Variants in LMNTD1 observed in about 807,000 individuals in gnomAD.
LMNTD1 encodes lamin tail domain containing 1.
In LMNTD1, 35 loss-of-function variants were observed where a neutral mutation model predicts 50.9. The ratio of observed to expected loss-of-function variants is 0.69; its 90% CI spans 0.53 to 0.91. LMNTD1 has a LOEUF of 0.91. Among genes scored for constraint, LMNTD1 ranks in the 40% least tolerant of loss-of-function variants. LMNTD1 has a pLI of 0.00. For synonymous variants in LMNTD1, 153 were observed against 161.9 expected, an observed-to-expected ratio of 0.94 and a Z score of 0.42; for missense variants, 470 against 475.5, an observed-to-expected ratio of 0.99 and a Z score of 0.11.
At chr12:25,625,334 C>T (rs1946565053) in intron 1 of LMNTD1, among the ~76,000 whole-genome samples, 1 of 152,160 alleles carries the variant, frequency 6.6e-6, no homozygotes, top group Admixed American at 6.5e-5. Flanking sequence ...TACCACAACT[C>T]ATTAGTACCA....
chr12:25,617,484 G>C (rs1263219217), intron 1 of LMNTD1, among the ~76,000 whole-genome samples: 1 of 152,134 alleles, frequency 6.6e-6, no homozygotes, highest in Non-Finnish European at 1.5e-5. Context: ...CAGCTTATCC[G>C]TGGTAATAGA....
intron 8 of LMNTD1, among the ~76,000 whole-genome samples, chr12:25,509,352 C>T (rs1413587469): frequency 6.6e-6 from 1 of 152,338 alleles, no homozygotes; most frequent in East Asian, 1.9e-4. Context: ...AGGTGATCTG[C>T]CTGCCTCGGC....
intron 1 of LMNTD1, among the ~76,000 whole-genome samples, chr12:25,637,822 T>C (rs1303489960): frequency 6.6e-6 from 1 of 151,916 alleles, no homozygotes; most frequent in Non-Finnish European, 1.5e-5. Context: ...AACAAGCACA[T>C]GAAAATATCA....
intron 9 of LMNTD1, 32 bp downstream of exon 9, chr12:25,503,706 G>T: frequency 8.4e-7 from 1 of 1,184,198 alleles, no homozygotes; most frequent in Non-Finnish European, 1.2e-6. Context: ...ATTTTTCTGT[G>T]GAGAAAGCAA....
intron 1 of LMNTD1, among the ~76,000 whole-genome samples, chr12:25,620,696 CTG>C (rs1348592785): frequency 8.5e-5 from 13 of 152,098 alleles, no homozygotes; most frequent in Non-Finnish European, 1.9e-4. Context: ...AAGTGCTAAA[CTG>C]AGCACCGCAA....
chr12:25,566,260 C>T (rs984906776), intron 1 of LMNTD1, among the ~76,000 whole-genome samples: 1 of 152,072 alleles, frequency 6.6e-6, no homozygotes, highest in Non-Finnish European at 1.5e-5. Context: ...TTTCTAGTTC[C>T]TATAAGTGTG....
intron 1 of LMNTD1, among the ~76,000 whole-genome samples, chr12:25,591,858 A>AGAGAGAGAGAGAGAGT (rs1945710122): frequency 1.4e-5 from 2 of 146,020 alleles, no homozygotes; most frequent in Non-Finnish European, 3.0e-5. Flanking sequence ...AGAGAGAGAG[A>AGAGAGAGAGAGAGAGT]CTCTATTTAT....
chr12:25,578,111 G>A (rs1945112340), intron 1 of LMNTD1, among the ~76,000 whole-genome samples: 1 of 152,096 alleles, frequency 6.6e-6, no homozygotes, highest in Non-Finnish European at 1.5e-5. Context: ...ATTCATCTAA[G>A]AAGACATTCT....
At chr12:25,564,961 C>T (rs979820362) in intron 1 of LMNTD1, among the ~76,000 whole-genome samples, 1 of 152,182 alleles carries the variant, frequency 6.6e-6, no homozygotes, top group African/African-American at 2.4e-5. Flanking sequence ...TGAATTGACC[C>T]CTTTATCATT....
chr12:25,520,139 G>GATATAGATATATATATATATAT (rs1394594290), intron 6 of LMNTD1, 64 bp from the exon 7 acceptor site: 1 of 149,920 alleles, frequency 6.7e-6, no homozygotes, highest in East Asian at 1.8e-4. Context: ...GCTGTTATGA[G>GATATAGATATATATATATATAT]ATATACATAT....
At chr12:25,553,296 T>C (rs1423134891), upstream of LMNTD1, 4 of 1,400,962 alleles carry the variant, frequency 2.9e-6, no homozygotes, top group Non-Finnish European at 3.7e-6. Context: ...TTGTTGCTTC[T>C]GGCCAACACT....
At chr12:25,605,228 T>C (rs1946070203) in intron 1 of LMNTD1, among the ~76,000 whole-genome samples, 1 of 152,224 alleles carries the variant, frequency 6.6e-6, no homozygotes, top group Non-Finnish European at 1.5e-5. Context: ...GAGTTCATTG[T>C]AGATTCTGGA....
intron 8 of LMNTD1, among the ~76,000 whole-genome samples, chr12:25,512,864 T>TG (rs200683693): frequency 0.097 from 13,747 of 141,818 alleles, 707 homozygotes; most frequent in African/African-American, 0.13. Context: ...TTTTTTTTTA[T>TG]GGGGGGGGGC....
intron 3 of LMNTD1, among the ~76,000 whole-genome samples, chr12:25,548,801 T>C (rs564196478): frequency 1.2e-4 from 18 of 152,148 alleles, no homozygotes; most frequent in African/African-American, 4.3e-4. Context: ...TTTCTGATCA[T>C]AGTACTGTTT....
Position 25,553,169 on chromosome 12 carries a change from A to G in LMNTD1, c.-131T>C. 6.2e-7 allele frequency: 1 copy of G among 1,605,098 alleles called. No homozygotes were observed. Among genetic ancestry groups the G allele is most frequent in the Admixed American group, 1.7e-5 (1 of 59,402 alleles). On this transcript the variant is annotated 5_prime_UTR_variant, in exon 1 of 10. It removes an upstream start codon present in the reference 5' UTR. Coordinates refer to ENST00000458174, the MANE Select transcript of LMNTD1 (RefSeq NM_001145728.2). ...CTCATGAGGATATGTAAGTACCAAC[A>G]TAGCCAATCCTGATCTTGGCTAAGG...
At chr12:25,487,408 T>C (rs1464403600) in intron 9 of LMNTD1, among the ~76,000 whole-genome samples, 15 of 134,248 alleles carry the variant, frequency 1.1e-4, no homozygotes. Flanking sequence ...TTGTCTCTTT[T>C]GATCTTTGTT....
intron 1 of LMNTD1, among the ~76,000 whole-genome samples, chr12:25,625,405 G>A (rs948393784): frequency 9.9e-5 from 15 of 152,112 alleles, no homozygotes; most frequent in African/African-American, 3.6e-4. Context: ...TGAAAGCCAG[G>A]AAATGGGTAT....
At chr12:25,511,220 C>T (rs914803037) in intron 8 of LMNTD1, among the ~76,000 whole-genome samples, 7 of 151,992 alleles carry the variant, frequency 4.6e-5, no homozygotes, top group African/African-American at 1.7e-4. Flanking sequence ...GATACTTAAA[C>T]AATTTTATGG....
intron 1 of LMNTD1, among the ~76,000 whole-genome samples, chr12:25,583,273 C>T (rs750722152): frequency 6.6e-6 from 1 of 151,556 alleles, no homozygotes; most frequent in Non-Finnish European, 1.5e-5. Context: ...GTGATCCACC[C>T]GCCTCGGCCT....
Sources: gnomAD v4.1 joint callset for allele counts (sites outside exome capture counted in the v4.1 genomes callset) on GRCh38, gnomAD v4.1.1 for gene constraint, MANE v1.5 for transcripts, NCBI Gene and HGNC (gene_info 2026-07-23, HGNC 2026-07-21) for gene names.